Variants in PM20D2 observed in about 807,000 individuals in gnomAD.
The protein encoded by PM20D2 is peptidase M20 domain containing 2.
Under a neutral mutation model 42.9 loss-of-function variants are expected in PM20D2, and 33 were observed. That is an observed-to-expected ratio of 0.77 (90% CI 0.58 to 1.03). The LOEUF (loss-of-function observed/expected upper bound fraction) is 1.03, where lower values mean the gene tolerates loss of function less well. Ranked by LOEUF, PM20D2 falls within the 50% of genes least tolerant of loss-of-function variation. PM20D2 has a pLI of 0.00. For synonymous variants in PM20D2, 250 were observed against 228.2 expected, an observed-to-expected ratio of 1.10 and a Z score of -0.86; for missense variants, 548 against 557.0, an observed-to-expected ratio of 0.98 and a Z score of 0.16.
chr6:89,140,080 C>G, the PM20D2 span, among the ~76,000 whole-genome samples: 2 of 152,140 alleles, frequency 1.3e-5, no homozygotes, highest in Non-Finnish European at 2.9e-5. Flanking sequence ...GGACTACAGG[C>G]ACATACCACC....
chr6:89,117,997 C>CCCCG, the PM20D2 span: 1 of 1,206,616 alleles, frequency 8.3e-7, no homozygotes, highest in Non-Finnish European at 1.1e-6. Context: ...GCGCGACCCC[C>CCCCG]ACCCCTCGGC....
the PM20D2 span, among the ~76,000 whole-genome samples, chr6:89,099,855 G>T: frequency 2.0e-5 from 3 of 152,028 alleles, no homozygotes; most frequent in South Asian, 6.2e-4. Flanking sequence ...ATATTGAAAA[G>T]CTACACAACA....
chr6:89,098,480 A>C, the PM20D2 span: 7 of 1,422,474 alleles, frequency 4.9e-6, no homozygotes, highest in Non-Finnish European at 5.6e-6. Flanking sequence ...AACTAATATC[A>C]ACTCGCATTT....
chr6:89,122,741 A>G, the PM20D2 span, among the ~76,000 whole-genome samples: 6 of 152,234 alleles, frequency 3.9e-5, no homozygotes, highest in Non-Finnish European at 7.3e-5. Context: ...GTCAGGATTA[A>G]TGAAGTCAAC....
the PM20D2 span, among the ~76,000 whole-genome samples, chr6:89,108,648 GACAAAA>G: frequency 6.6e-6 from 1 of 152,138 alleles, no homozygotes; most frequent in Non-Finnish European, 1.5e-5. Flanking sequence ...TGGTGTCAGT[GACAAAA>G]ATTAGAAGAG....
the PM20D2 span, chr6:89,098,622 A>T: frequency 6.2e-7 from 1 of 1,613,622 alleles, no homozygotes; most frequent in Admixed American, 1.7e-5. Context: ...CTGGAATGTG[A>T]CCGAAAATGA....
chr6:89,112,292 C>A, the PM20D2 span, among the ~76,000 whole-genome samples: 1 of 151,990 alleles, frequency 6.6e-6, no homozygotes, highest in Non-Finnish European at 1.5e-5. Context: ...ATTCACAAAG[C>A]CTTTTAGTGT....
At chr6:89,117,940 G>A in the PM20D2 span, 15 of 1,517,100 alleles carry the variant, frequency 9.9e-6, no homozygotes, top group Admixed American at 2.1e-5. Context: ...GACTCGCTCC[G>A]TCTCCCGCTA....
the PM20D2 span, among the ~76,000 whole-genome samples, chr6:89,103,225 C>T: frequency 1.9e-3 from 282 of 152,212 alleles, 3 homozygotes; most frequent in African/African-American, 6.4e-3. Context: ...TTTACTTCCA[C>T]TAGAAGGCAG....
the PM20D2 span, among the ~76,000 whole-genome samples, chr6:89,103,871 AAT>A: frequency 5.1e-4 from 78 of 152,350 alleles, no homozygotes; most frequent in African/African-American, 1.9e-3. Context: ...ATTACTATTT[AAT>A]ATGTCTTCTT....
chr6:89,130,810 C>CTGCTGCTTTTTT, the PM20D2 span, among the ~76,000 whole-genome samples: 1 of 57,594 alleles, frequency 1.7e-5, no homozygotes, highest in African/African-American at 6.9e-5. Context: ...TTGTATCTGG[C>CTGCTGCTTTTTT]TTCTTCTTCT....
At chr6:89,095,271 G>T in the PM20D2 span, among the ~76,000 whole-genome samples, 1 of 152,098 alleles carries the variant, frequency 6.6e-6, no homozygotes, top group Non-Finnish European at 1.5e-5. Context: ...TGTAGCCCAG[G>T]CTTGAGTATA....
At chr6:89,128,049 TGAAAAAGAACA>T in the PM20D2 span, among the ~76,000 whole-genome samples, 1 of 152,216 alleles carries the variant, frequency 6.6e-6, no homozygotes, top group African/African-American at 2.4e-5. Flanking sequence ...CAGTGCACCT[TGAAAAAGAACA>T]GAATAACAGC....
chr6:89,145,950 G>C, upstream of PM20D2: 1 of 431,346 alleles, frequency 2.3e-6, no homozygotes, highest in East Asian at 3.8e-5. Flanking sequence ...CGCCTGGTAG[G>C]GTACGAGCGG....
chr6:89,144,079 T>C (rs895257608), upstream of PM20D2, among the ~76,000 whole-genome samples: 1 of 152,150 alleles, frequency 6.6e-6, no homozygotes, highest in Non-Finnish European at 1.5e-5. Context: ...ATAAATGAAT[T>C]CAAGGGTGCA....
chr6:89,161,666 ACT>A, intron 5 of PM20D2, 115 bp from the exon 6 acceptor site: 1 of 755,248 alleles, frequency 1.3e-6, no homozygotes, highest in Non-Finnish European at 2.3e-6. Context: ...CATACGGACA[ACT>A]CTCCAAGAAG....
At chr6:89,128,936 G>T in the PM20D2 span, among the ~76,000 whole-genome samples, 1 of 152,122 alleles carries the variant, frequency 6.6e-6, no homozygotes, top group Non-Finnish European at 1.5e-5. Context: ...AGGAAATACA[G>T]GGGCTAAAAA....
intron 4 of PM20D2, among the ~76,000 whole-genome samples, chr6:89,157,269 T>C (rs919151438): frequency 2.6e-5 from 4 of 152,174 alleles, no homozygotes; most frequent in Admixed American, 6.5e-5. Context: ...TAATTTCTTA[T>C]ATTTTGGCTG....
chr6:89,134,228 TC>T, the PM20D2 span, among the ~76,000 whole-genome samples: 2 of 151,120 alleles, frequency 1.3e-5, 1 homozygote, highest in African/African-American at 5.0e-5. Context: ...CTGATCTCAA[TC>T]CTGATCAAAG....
Sources: gnomAD v4.1 joint callset for allele counts (sites outside exome capture counted in the v4.1 genomes callset) on GRCh38, gnomAD v4.1.1 for gene constraint, MANE v1.5 for transcripts, NCBI Gene and HGNC (gene_info 2026-07-23, HGNC 2026-07-21) for gene names.